CDH18: variants seen among roughly 807,000 people sequenced by gnomAD.
CDH18 encodes the protein cadherin 18.
Under a neutral mutation model 67.9 loss-of-function variants are expected in CDH18, and 31 were observed. The ratio of observed to expected loss-of-function variants is 0.46; its 90% CI spans 0.34 to 0.62. The LOEUF (loss-of-function observed/expected upper bound fraction) is 0.62. Ranked by LOEUF, CDH18 falls within the 20% of genes least tolerant of loss-of-function variation. The probability of loss-of-function intolerance (pLI) is 0.01; values close to 1 mark genes in which losing one functional copy is unlikely to be tolerated. For synonymous variants in CDH18, 362 were observed against 347.2 expected, an observed-to-expected ratio of 1.04 and a Z score of -0.48; for missense variants, 890 against 975.5, an observed-to-expected ratio of 0.91 and a Z score of 1.17.
At chr5:19,699,234 G>A (rs1762905617) in intron 5 of CDH18, among the ~76,000 whole-genome samples, 1 of 152,016 alleles carries the variant, frequency 6.6e-6, no homozygotes. Context: ...TTTGCATTAG[G>A]TTATATATCC....
chr5:19,822,719 C>A lies in CDH18; in HGVS notation c.228+16040G>T, dbSNP rs535984581. Among the ~76,000 whole-genome samples the A allele has an allele frequency of 1.6e-4, 25 of 152,246 alleles. No individual in the cohort carries two copies. In the East Asian group the frequency reaches 4.6e-3, roughly 28 times the overall value. ...AAGGCAAATGGAGGCAGGGCGAGATCACAGGACCACAGGACTGGGGCGAAA... is the reference window on the plus strand; with the variant it reads ...AAGGCAAATGGAGGCAGGGCGAGATAACAGGACCACAGGACTGGGGCGAAA... On this transcript the variant is annotated intron_variant, in intron 3 of 12. Transcript: ENST00000382275.
intron 2 of CDH18, among the ~76,000 whole-genome samples, chr5:20,149,646 G>T (rs150127266): frequency 6.6e-6 from 1 of 152,076 alleles, no homozygotes; most frequent in Non-Finnish European, 1.5e-5. Context: ...CTTCATTTTT[G>T]CAGTACTTGG....
chr5:19,746,847 GAT>G (rs377103837), intron 4 of CDH18, 93 bp downstream of exon 4: 981 of 934,866 alleles, frequency 1.0e-3, no homozygotes, highest in Admixed American at 1.6e-3. Context: ...ATCCCCTCCA[GAT>G]ATATATATAT....
At chr5:20,074,970 T>C (rs1032854619) in intron 2 of CDH18, among the ~76,000 whole-genome samples, 1 of 152,292 alleles carries the variant, frequency 6.6e-6, no homozygotes, top group East Asian at 1.9e-4. Flanking sequence ...AGATTCAGTA[T>C]CTGAAACCTA....
intron 2 of CDH18, among the ~76,000 whole-genome samples, chr5:20,176,476 A>C (rs977969341): frequency 1.3e-5 from 2 of 152,176 alleles, no homozygotes; most frequent in East Asian, 3.9e-4. Flanking sequence ...GAAAGTGGAC[A>C]TAATAGTTTT....
intron 2 of CDH18, among the ~76,000 whole-genome samples, chr5:20,146,935 C>T (rs1055862364): frequency 1.3e-5 from 2 of 151,920 alleles, no homozygotes; most frequent in Non-Finnish European, 2.9e-5. Flanking sequence ...TTTTCTTGAC[C>T]TCTTTGAGGA....
At chr5:19,714,440 T>C (rs190240789) in intron 5 of CDH18, among the ~76,000 whole-genome samples, 1 of 152,102 alleles carries the variant, frequency 6.6e-6, no homozygotes, top group Admixed American at 6.6e-5. Flanking sequence ...TTTTCTTGTG[T>C]TGTTGTCCTC....
At chr5:19,835,478 T>C (rs1170514735) in intron 3 of CDH18, among the ~76,000 whole-genome samples, 1 of 151,874 alleles carries the variant, frequency 6.6e-6, no homozygotes. Context: ...TTTGTTTCTC[T>C]GTATTTTTTT....
intron 1 of CDH18, among the ~76,000 whole-genome samples, chr5:20,567,655 T>G (rs2126663821): frequency 6.6e-6 from 1 of 152,284 alleles, no homozygotes; most frequent in Non-Finnish European, 1.5e-5. Flanking sequence ...TCATCCTGCT[T>G]TGCAACTCCA....
intron 3 of CDH18, among the ~76,000 whole-genome samples, chr5:19,754,312 A>G (rs1002291569): frequency 1.3e-5 from 2 of 152,188 alleles, no homozygotes; most frequent in African/African-American, 4.8e-5. Flanking sequence ...AAAGTGGTGA[A>G]AAAAAGACAT....
intron 3 of CDH18, among the ~76,000 whole-genome samples, chr5:19,780,749 AT>A (rs1045966693): frequency 4.6e-5 from 7 of 151,928 alleles, no homozygotes; most frequent in African/African-American, 1.4e-4. Context: ...GTTTTATTAT[AT>A]TTTTTCCCTC....
rs373216876 is a variant in CDH18 at position 19,941,523 on chromosome 5, C to T, written c.-257+39537G>A. ...TGGGCCAGGTGCCATGGCTCATGTC[C>T]GTAATCCCAGAACTTTGGGAGGCCA... On this transcript the variant is annotated intron_variant, in intron 2 of 12. Transcript: ENST00000382275. 6.6e-4 allele frequency among the ~76,000 whole-genome samples: 100 copies of T among 151,886 alleles called. No individual in the cohort carries two copies. The South Asian group carries it at 0.017, about 26-fold the overall frequency.
intron 7 of CDH18, among the ~76,000 whole-genome samples, chr5:19,584,548 G>A (rs888149838): frequency 6.6e-6 from 1 of 151,994 alleles, no homozygotes; most frequent in Non-Finnish European, 1.5e-5. Context: ...AAAGCATACA[G>A]CAATTAAATA....
At chr5:20,148,340 G>A (rs976246182) in intron 2 of CDH18, among the ~76,000 whole-genome samples, 5 of 151,904 alleles carry the variant, frequency 3.3e-5, no homozygotes, top group African/African-American at 7.3e-5. Flanking sequence ...CTCGTGATCC[G>A]CCCGCCTTGG....
At chr5:20,400,580 C>T (rs1396673648) in intron 1 of CDH18, among the ~76,000 whole-genome samples, 2 of 137,844 alleles carry the variant, frequency 1.5e-5, no homozygotes, top group Admixed American at 8.1e-5. Flanking sequence ...GGCCAACATG[C>T]CATGTCTACT....
intron 3 of CDH18, among the ~76,000 whole-genome samples, chr5:19,820,104 G>A (rs993431869): frequency 6.6e-6 from 1 of 152,130 alleles, no homozygotes; most frequent in South Asian, 2.1e-4. Flanking sequence ...GCTCAAGTTG[G>A]GGATGAGCCC....
chr5:19,704,237 A>G (rs1355214019), intron 5 of CDH18, among the ~76,000 whole-genome samples: 1 of 152,196 alleles, frequency 6.6e-6, no homozygotes, highest in East Asian at 1.9e-4. Context: ...AGACATTTCA[A>G]TCATTTCTCT....
intron 5 of CDH18, among the ~76,000 whole-genome samples, chr5:19,627,100 T>C (rs1033197992): frequency 1.3e-5 from 2 of 152,192 alleles, no homozygotes; most frequent in Admixed American, 6.5e-5. Context: ...CTCAACTCCA[T>C]GTTCAATCGT....
At chr5:20,565,734 C>T (rs1013324217) in intron 1 of CDH18, among the ~76,000 whole-genome samples, 2 of 147,080 alleles carry the variant, frequency 1.4e-5, no homozygotes, top group African/African-American at 2.6e-5. Context: ...TGAGCCTTTG[C>T]GTTCCTCCTT....
Sources: allele counts gnomAD v4.1 joint callset (sites outside exome capture counted in the v4.1 genomes callset), GRCh38; gene constraint gnomAD v4.1.1; transcripts MANE v1.5; gene names NCBI Gene and HGNC (gene_info 2026-07-23, HGNC 2026-07-21).